The following CADPS variants were observed in gnomAD, a reference collection of about 807,000 sequenced individuals.
CADPS encodes calcium dependent secretion activator.
In CADPS, 57 loss-of-function variants were observed where a neutral mutation model predicts 167.3. The ratio of observed to expected loss-of-function variants is 0.34; its 90% CI spans 0.28 to 0.42. The LOEUF is 0.42. CADPS is among the 20% of genes least tolerant of loss of function. CADPS has a pLI of 1.00. For synonymous variants in CADPS, 676 were observed against 635.3 expected, an observed-to-expected ratio of 1.06 and a Z score of -0.96; for missense variants, 1,414 against 1,738.1, an observed-to-expected ratio of 0.81 and a Z score of 3.32.
intron 3 of CADPS, among the ~76,000 whole-genome samples, chr3:62,748,168 CAAAAAAAAAAAAAA>C (rs139568165): frequency 1.4e-4 from 9 of 63,198 alleles, no homozygotes; most frequent in Admixed American, 3.9e-4. Flanking sequence ...ACTAAAATTA[CAAAAAAAAAAAAAA>C]AAAAAAAAAA....
chr3:62,766,181 T>G (rs1317149840), intron 1 of CADPS, among the ~76,000 whole-genome samples, 197 bp from the exon 2 acceptor site: 1 of 152,268 alleles, frequency 6.6e-6, no homozygotes, highest in East Asian at 1.9e-4. Context: ...AATATATAAA[T>G]AAATTATATT....
intron 6 of CADPS, chr3:62,626,520 G>T (rs2248019): frequency 0.13 from 90,075 of 702,174 alleles, 6,402 homozygotes; most frequent in Middle Eastern, 0.23. Context: ...CACAAAGACG[G>T]GACATCAAAT....
chr3:62,665,430 A>G (rs1394054401), intron 3 of CADPS, among the ~76,000 whole-genome samples: 1 of 152,230 alleles, frequency 6.6e-6, no homozygotes, highest in Non-Finnish European at 1.5e-5. Context: ...GTAGAGGAAC[A>G]TGCCCCAAAT....
intron 1 of CADPS, among the ~76,000 whole-genome samples, chr3:62,826,046 C>G (rs1045918359): frequency 6.6e-6 from 1 of 152,180 alleles, no homozygotes; most frequent in African/African-American, 2.4e-5. Flanking sequence ...AAATGGGCTG[C>G]TGTGCCTGAT....
intron 9 of CADPS, among the ~76,000 whole-genome samples, chr3:62,558,169 G>A (rs181346762): frequency 1.3e-5 from 2 of 152,326 alleles, no homozygotes; most frequent in African/African-American, 2.4e-5. Flanking sequence ...GCTGTCACAA[G>A]CAATGAGCGC....
chr3:62,674,588 T>C (rs1015483046), intron 3 of CADPS, among the ~76,000 whole-genome samples: 1 of 152,310 alleles, frequency 6.6e-6, no homozygotes, highest in East Asian at 1.9e-4. Flanking sequence ...CTTTTAAAAG[T>C]AACTGTGCCT....
At position 62,650,725 on chromosome 3, in the gene CADPS, T is replaced by C. The variant is rs187132592; in HGVS notation, c.1203+122A>G. 8.5e-5 allele frequency: 57 copies of C among 669,628 alleles called. No individual in the cohort carries two copies. The African/African-American group carries it at 9.8e-4, about 11-fold the overall frequency. The allele number at this position is 669,628 out of a possible 1,614,324, so 41.5% of individuals were successfully genotyped here. A position where few individuals can be genotyped will look rare whatever the true frequency, so the allele number is the denominator to read the frequency against. Reference sequence around the variant, plus strand: ...CTGATTAGCTGACCTAAGCTTAGCATGCTGTTATTTTAATAACTGCTCCTG... The same window carrying C: ...CTGATTAGCTGACCTAAGCTTAGCACGCTGTTATTTTAATAACTGCTCCTG... On this transcript the variant is annotated intron_variant, in intron 5 of 29. Transcript: ENST00000383710.
intron 3 of CADPS, among the ~76,000 whole-genome samples, chr3:62,669,582 C>T (rs760850893): frequency 2.0e-5 from 3 of 152,192 alleles, no homozygotes; most frequent in African/African-American, 4.8e-5. Flanking sequence ...CTGTAGAACA[C>T]GGTCAGCAGG....
At chr3:62,592,571 G>C (rs1218608174) in intron 7 of CADPS, 66 bp downstream of exon 7, 4 of 1,204,774 alleles carry the variant, frequency 3.3e-6, no homozygotes, top group Non-Finnish European at 4.9e-6. Context: ...TTGGTGACCT[G>C]TGCACTGGAG....
At chr3:62,667,355 T>C (rs1204937421) in intron 3 of CADPS, among the ~76,000 whole-genome samples, 1 of 151,982 alleles carries the variant, frequency 6.6e-6, no homozygotes, top group Non-Finnish European at 1.5e-5. Flanking sequence ...GACCCTGGAA[T>C]GAATGTTAGG....
At chr3:62,651,271 T>C (rs2070059023) in intron 4 of CADPS, among the ~76,000 whole-genome samples, 191 bp from the exon 5 acceptor site, 2 of 152,206 alleles carry the variant, frequency 1.3e-5, no homozygotes, top group South Asian at 2.1e-4. Flanking sequence ...TAGTTATTTA[T>C]ACATTGTAAC....
chr3:62,710,288 G>A (rs1285439289), intron 3 of CADPS, among the ~76,000 whole-genome samples: 1 of 151,358 alleles, frequency 6.6e-6, no homozygotes, highest in East Asian at 1.9e-4. Flanking sequence ...GTGGGGGAGG[G>A]GCAGGTGTTT....
chr3:62,781,189 C>T (rs1368211333), intron 1 of CADPS, among the ~76,000 whole-genome samples: 1 of 152,100 alleles, frequency 6.6e-6, no homozygotes, highest in East Asian at 1.9e-4. Flanking sequence ...GGAGACTTGT[C>T]CTAGGGCAGA....
intron 9 of CADPS, 126 bp downstream of exon 9, chr3:62,570,746 T>A: frequency 1.4e-6 from 1 of 714,668 alleles, no homozygotes; most frequent in Non-Finnish European, 2.5e-6. Context: ...CATGGATATA[T>A]GTAAAAATTC....
At chr3:62,855,072 G>A (rs1439054789) in intron 1 of CADPS, among the ~76,000 whole-genome samples, 3 of 136,084 alleles carry the variant, frequency 2.2e-5, no homozygotes, top group South Asian at 2.4e-4. Context: ...CTACAGGCAC[G>A]TGCCATCATG....
intron 10 of CADPS, among the ~76,000 whole-genome samples, chr3:62,557,066 T>C (rs947518649): frequency 2.6e-5 from 4 of 151,450 alleles, no homozygotes; most frequent in Non-Finnish European, 5.9e-5. Context: ...GGTGTACATG[T>C]GGGACTACTT....
At chr3:62,780,568 T>G (rs1045104146) in intron 1 of CADPS, among the ~76,000 whole-genome samples, 1 of 152,194 alleles carries the variant, frequency 6.6e-6, no homozygotes, top group Admixed American at 6.5e-5. Flanking sequence ...ATTACTTTTT[T>G]CTACTGATTA....
chr3:62,801,382 A>C (rs2093752976), intron 1 of CADPS, among the ~76,000 whole-genome samples: 1 of 152,162 alleles, frequency 6.6e-6, no homozygotes, highest in African/African-American at 2.4e-5. Context: ...TATTTGCCAT[A>C]GGGATGATGT....
rs141183863 is a variant in CADPS at position 62,655,940 on chromosome 3, G to A, written c.970-4860C>T. ...TAGTGACACATGAAGCAACAGAGGC[G>A]TGCAGAGTACAAAGAGGGCATCAAG... On this transcript the variant is annotated intron_variant, in intron 4 of 29. Coordinates refer to ENST00000383710, the MANE Select transcript of CADPS (RefSeq NM_003716.4). Among the ~76,000 whole-genome samples, 150 of 152,164 alleles carry A rather than the reference G, an allele frequency of 9.9e-4. 2 individuals are homozygous for A. Among genetic ancestry groups the A allele is most frequent in the South Asian group, 6.2e-3 (30 of 4,806 alleles).
Sources: gnomAD v4.1 joint callset for allele counts (sites outside exome capture counted in the v4.1 genomes callset) on GRCh38, gnomAD v4.1.1 for gene constraint, MANE v1.5 for transcripts, NCBI Gene and HGNC (gene_info 2026-07-23, HGNC 2026-07-21) for gene names.